Variants in PTPRT observed in about 807,000 individuals in gnomAD.
PTPRT encodes the protein protein tyrosine phosphatase receptor type T.
In PTPRT, 56 loss-of-function variants were observed where a neutral mutation model predicts 176.8. The ratio of observed to expected loss-of-function variants is 0.32; its 90% CI spans 0.26 to 0.40. PTPRT has a LOEUF of 0.40. Ranked by LOEUF, PTPRT falls within the 10% of genes least tolerant of loss-of-function variation. The probability of loss-of-function intolerance (pLI) is 1.00; values close to 1 mark genes in which losing one functional copy is unlikely to be tolerated. For missense variants in PTPRT, 1,540 were observed against 1,908.2 expected (o/e 0.81, Z 3.60); for synonymous variants, 783 against 739.0 (o/e 1.06, Z -0.96).
intron 6 of PTPRT, among the ~76,000 whole-genome samples, chr20:42,683,271 T>TTTTTGTTTTGTTTTG (rs11267321): frequency 0.027 from 4,012 of 149,368 alleles, 147 homozygotes; most frequent in African/African-American, 0.08. Context: ...TTACTTGTTT[T>TTTTTGTTTTGTTTTG]TTTTGTTTTG....
In PTPRT at chr20:42,787,724, AAAC is replaced by A. The variant is rs572144941; in HGVS notation, c.486+3468_486+3470del. ...AATTCTGAAACCCCAAAAGCTCTGA[AAAC>A]AACGTTCTTCACCTTAGTATTATAA... On this transcript the variant is annotated intron_variant, in intron 3 of 30. Coordinates refer to ENST00000373187, the MANE Select transcript of PTPRT (RefSeq NM_007050.6). Among the ~76,000 whole-genome samples, 40 of 152,336 alleles carry A rather than the reference AAAC, an allele frequency of 2.6e-4. No homozygotes were observed. In the South Asian group the frequency reaches 4.3e-3, roughly 17 times the overall value.
chr20:43,110,652 T>C (rs2012816323), intron 1 of PTPRT, among the ~76,000 whole-genome samples: 1 of 152,206 alleles, frequency 6.6e-6, no homozygotes, highest in South Asian at 2.1e-4. Flanking sequence ...CTTTTCTGTA[T>C]ATATGGTTTT....
chr20:42,403,045 A>G (rs1022634134), intron 9 of PTPRT, among the ~76,000 whole-genome samples: 8 of 152,186 alleles, frequency 5.3e-5, no homozygotes, highest in African/African-American at 1.9e-4. Context: ...GATAATACAT[A>G]AAAGAAAACA....
chr20:43,069,585 G>C (rs964219982), intron 1 of PTPRT, among the ~76,000 whole-genome samples: 22 of 152,190 alleles, frequency 1.4e-4, no homozygotes, highest in African/African-American at 4.8e-4. Flanking sequence ...GCACCATGGA[G>C]GAGAAATCAT....
At chr20:42,831,591 C>A (rs2078089996) in intron 2 of PTPRT, among the ~76,000 whole-genome samples, 1 of 152,168 alleles carries the variant, frequency 6.6e-6, no homozygotes, top group Admixed American at 6.5e-5. Context: ...AGTAAACAGA[C>A]AACCTACATA....
chr20:42,918,813 TTG>T (rs979287061), intron 1 of PTPRT, among the ~76,000 whole-genome samples: 1 of 151,916 alleles, frequency 6.6e-6, no homozygotes, highest in Non-Finnish European at 1.5e-5. Flanking sequence ...GCTTCGAGTT[TTG>T]TGTGTGTGTG....
intron 11 of PTPRT, among the ~76,000 whole-genome samples, chr20:42,324,457 G>T (rs147368449): frequency 5.8e-4 from 89 of 152,264 alleles, no homozygotes; most frequent in African/African-American, 2.0e-3. Flanking sequence ...ATAGTTGCAC[G>T]ATCCTATACA....
At chr20:42,826,592 T>C (rs1225136718) in intron 2 of PTPRT, among the ~76,000 whole-genome samples, 4 of 152,176 alleles carry the variant, frequency 2.6e-5, no homozygotes, top group African/African-American at 4.8e-5. Flanking sequence ...AAATGTAGTA[T>C]CTCTTCTTAT....
chr20:42,235,271 T>C (rs948611671), intron 15 of PTPRT, among the ~76,000 whole-genome samples: 3 of 151,732 alleles, frequency 2.0e-5, no homozygotes, highest in African/African-American at 7.3e-5. Context: ...TTATTATTAT[T>C]ATTATTTTGA....
At chr20:42,682,686 A>G (rs1028546566) in intron 6 of PTPRT, among the ~76,000 whole-genome samples, 4 of 152,202 alleles carry the variant, frequency 2.6e-5, no homozygotes, top group Admixed American at 2.0e-4. Context: ...CCAGGCATCA[A>G]AGCGCTGCGA....
In PTPRT at chr20:42,352,139, G is replaced by T; in HGVS notation, c.1707C>A (p.Ser569Arg). The change falls in exon 10 of 31, where the codon AGC becomes AGA. Residue 569 changes from serine (S) to arginine (R), a missense_variant. Physicochemically the swap from Ser to Arg is moderately radical, Grantham distance 110. Coordinates refer to ENST00000373187, the MANE Select transcript of PTPRT (RefSeq NM_007050.6). Reference protein sequence around the residue: ...GTTYSFTIKASTAKGFGPPVT... With the variant: ...GTTYSFTIKARTAKGFGPPVT... ...CAGGGGGCCCAAAGCCCTTTGCTGT[G>T]CTGGCCTTGATGGTGAAGGAATAGG... 6.2e-7 allele frequency: 1 copy of T among 1,614,178 alleles called. No homozygotes were observed. Among genetic ancestry groups the T allele is most frequent in the Non-Finnish European group, 8.5e-7 (1 of 1,180,030 alleles).
In PTPRT at chr20:42,767,977, TACACACACACAC is replaced by T. The variant is rs35599788; in HGVS notation, c.684+3446_684+3457del. Among the ~76,000 whole-genome samples the T allele has an allele frequency of 4.6e-3, 577 of 125,248 alleles. 3 individuals carry two copies. Among genetic ancestry groups the T allele is most frequent in the African/African-American group, 9.4e-3 (309 of 32,922 alleles). 82.2% of individuals were successfully genotyped at this position (125,248 alleles called of 152,430 possible). On this transcript the variant is annotated intron_variant, in intron 5 of 30. Coordinates refer to ENST00000373187, the MANE Select transcript of PTPRT (RefSeq NM_007050.6). ...TTATATATGAAAATATATAAAATTA[TACACACACACAC>T]ACACACACACACACACACACACACA...
At chr20:42,323,196 C>G (rs542668427) in intron 11 of PTPRT, among the ~76,000 whole-genome samples, 41 of 152,286 alleles carry the variant, frequency 2.7e-4, no homozygotes, top group African/African-American at 6.7e-4. Flanking sequence ...GTAGAAGTCA[C>G]TGTGGCGATT....
chr20:42,891,262 C>G lies in PTPRT; in HGVS notation c.89-5330G>C, dbSNP rs549803963. 2.0e-5 allele frequency among the ~76,000 whole-genome samples: 3 copies of G among 152,280 alleles called. No homozygotes were observed. The East Asian group carries it at 5.8e-4, about 29-fold the overall frequency. ...GGAAACCCAAAAAATCTACCCCCAT[C>G]CCAGGAGCTGGGCTCAGCTGAGGTT... On this transcript the variant is annotated intron_variant, in intron 1 of 30. Coordinates refer to ENST00000373187, the MANE Select transcript of PTPRT (RefSeq NM_007050.6).
At chr20:42,654,074 T>C (rs961240164) in intron 7 of PTPRT, among the ~76,000 whole-genome samples, 24 of 152,162 alleles carry the variant, frequency 1.6e-4, no homozygotes, top group African/African-American at 5.1e-4. Flanking sequence ...GGAGAAGCTC[T>C]TGCAGGGCTT....
In PTPRT at chr20:42,599,233, A is replaced by G. The variant is rs919787736; in HGVS notation, c.1153+78633T>C. 3.9e-5 allele frequency among the ~76,000 whole-genome samples: 6 copies of G among 152,228 alleles called. No individual in the cohort carries two copies. The East Asian group carries it at 7.8e-4, about 20-fold the overall frequency. On this transcript the variant is annotated intron_variant, in intron 7 of 30. Transcript: ENST00000373187. ...ACAACTGGGTGGTGACATTTGCCTG[A>G]ATATGGAGCAAAAGCTTTTGAGAGA...
At chr20:42,069,023 A>G (rs1424361404), downstream of PTPRT, among the ~76,000 whole-genome samples, 1 of 152,222 alleles carries the variant, frequency 6.6e-6, no homozygotes, top group East Asian at 1.9e-4. Context: ...TCCAAATTCA[A>G]TCAACAACTC....
chr20:42,923,219 G>A (rs1422844875), intron 1 of PTPRT, among the ~76,000 whole-genome samples: 15 of 152,138 alleles, frequency 9.9e-5, no homozygotes. Context: ...GGACTTCTGG[G>A]TTCACAGGTG....
chr20:42,599,556 G>T (rs183161870), intron 7 of PTPRT, among the ~76,000 whole-genome samples: 2 of 152,240 alleles, frequency 1.3e-5, no homozygotes, highest in African/African-American at 4.8e-5. Flanking sequence ...GAGCTCCAGG[G>T]TCTGCTACTC....
Sources: allele counts gnomAD v4.1 joint callset (sites outside exome capture counted in the v4.1 genomes callset), GRCh38; gene constraint gnomAD v4.1.1; transcripts MANE v1.5; gene names NCBI Gene and HGNC (gene_info 2026-07-23, HGNC 2026-07-21).